The following PRTG variants were observed in gnomAD, a reference collection of about 807,000 sequenced individuals.
PRTG encodes the protein protogenin.
In PRTG, 67 loss-of-function variants were observed where a neutral mutation model predicts 122.5. The ratio of observed to expected loss-of-function variants is 0.55; its 90% CI spans 0.45 to 0.67. PRTG has a LOEUF of 0.67. Ranked by LOEUF, PRTG falls within the 30% of genes least tolerant of loss-of-function variation. The pLI is 0.00. For missense variants in PRTG, 1,435 were observed against 1,415.4 expected (o/e 1.01, Z -0.22); for synonymous variants, 554 against 501.1 (o/e 1.11, Z -1.41).
chr15:55,656,321 G>C (rs140263228), intron 11 of PRTG: 1 of 454,502 alleles, frequency 2.2e-6, no homozygotes, highest in African/African-American at 2.0e-5. Context: ...CTCACAATCC[G>C]GACTTATCTG....
intron 3 of PRTG, 78 bp downstream of exon 3, chr15:55,683,709 G>T: frequency 1.7e-6 from 2 of 1,201,256 alleles, no homozygotes; most frequent in Non-Finnish European, 2.3e-6. Flanking sequence ...GGCCTATAAT[G>T]GTGTTTCTCC....
chr15:55,664,607 G>C (rs1567089379), intron 11 of PRTG, among the ~76,000 whole-genome samples: 1 of 151,920 alleles, frequency 6.6e-6, no homozygotes, highest in Non-Finnish European at 1.5e-5. Context: ...TTTTGAGACA[G>C]GGTCTCACAG....
At chr15:55,675,851 C>A (rs560207873) in intron 8 of PRTG, among the ~76,000 whole-genome samples, 168 bp from the exon 9 acceptor site, 37 of 152,144 alleles carry the variant, frequency 2.4e-4, no homozygotes, top group African/African-American at 8.4e-4. Context: ...TAAAAGTAAC[C>A]ATATTTCACT....
chr15:55,643,664 T>C (rs1259156437), intron 11 of PRTG, among the ~76,000 whole-genome samples: 1 of 151,814 alleles, frequency 6.6e-6, no homozygotes, highest in Non-Finnish European at 1.5e-5. Context: ...ACTCAAGCTA[T>C]CTGCCCGCCT....
chr15:55,733,165 C>T (rs1462233360), intron 2 of PRTG, among the ~76,000 whole-genome samples: 2 of 151,994 alleles, frequency 1.3e-5, no homozygotes, highest in Non-Finnish European at 2.9e-5. Flanking sequence ...GCCGAGATTG[C>T]GCCACTGCAC....
At chr15:55,711,495 T>C (rs1276075143) in intron 2 of PRTG, among the ~76,000 whole-genome samples, 3 of 152,188 alleles carry the variant, frequency 2.0e-5, no homozygotes, top group East Asian at 1.9e-4. Flanking sequence ...TGGAAGATCA[T>C]GCTAATTCCA....
intron 15 of PRTG, among the ~76,000 whole-genome samples, chr15:55,635,502 A>C (rs2059253044): frequency 6.6e-6 from 1 of 152,198 alleles, no homozygotes; most frequent in South Asian, 2.1e-4. Flanking sequence ...TTGTTGACTC[A>C]AAGAATTGTG....
chr15:55,633,047 A>G (rs1361963318), intron 15 of PRTG, among the ~76,000 whole-genome samples: 1 of 152,224 alleles, frequency 6.6e-6, no homozygotes, highest in Non-Finnish European at 1.5e-5. Context: ...GGTATATGGT[A>G]TTCCTCCAAC....
chr15:55,614,817 C>T lies in PRTG; in HGVS notation c.*5195G>A, dbSNP rs906437467. On this transcript the variant is annotated 3_prime_UTR_variant, in exon 20 of 20. Transcript: ENST00000389286. ...GCACATGACCTCAGATTTCCAATCT[C>T]TTTAATGCTACAGACATTTTACAGG... 1 of 152,084 alleles carries T rather than the reference C, an allele frequency of 6.6e-6. No individual in the cohort carries two copies. Among genetic ancestry groups the T allele is most frequent in the African/African-American group, 2.4e-5 (1 of 41,420 alleles). 9.4% of individuals were successfully genotyped at this position (152,084 alleles called of 1,614,324 possible).
Position 55,624,298 on chromosome 15 carries a change from G to T in PRTG, c.3093+44C>A, listed in dbSNP as rs781007662. On this transcript the variant is annotated intron_variant, in intron 18 of 19. Coordinates refer to ENST00000389286, the MANE Select transcript of PRTG (RefSeq NM_173814.6). ...GTACATTTTACACACACAGGGAGGA[G>T]GAATGGAAGAACGGCTTATGCAGCA... The T allele has an allele frequency of 3.4e-5, 53 of 1,580,828 alleles. No individual in the cohort carries two copies. The South Asian group carries it at 5.3e-4, about 16-fold the overall frequency.
chr15:55,662,363 CT>C (rs1181912067), intron 11 of PRTG, among the ~76,000 whole-genome samples: 10 of 152,102 alleles, frequency 6.6e-5, no homozygotes, highest in African/African-American at 2.4e-4. Flanking sequence ...ATAGTTTGTG[CT>C]ACTGCATTCA....
chr15:55,705,323 T>C (rs766553347), intron 2 of PRTG, among the ~76,000 whole-genome samples: 7 of 152,182 alleles, frequency 4.6e-5, no homozygotes, highest in African/African-American at 9.7e-5. Flanking sequence ...TTTTCTCCAA[T>C]TTTCTCTGCT....
In PRTG at chr15:55,683,838, G is replaced by A. The variant is rs1488774827; in HGVS notation, c.491C>T (p.Ala164Val). Residue 164 changes from alanine to valine, a missense_variant, in exon 3 of 20, where the codon GCA becomes GTA. Transcript: ENST00000389286. ...CCGATTGAACTCCCATGTTATGACT[G>A]CAGGAGGGTGGGATGAAATCTTGCA... is the stretch of plus-strand genomic sequence containing the variant. ...FACKISSHPPAVITWEFNRTT... is the reference protein window; with the variant it reads ...FACKISSHPPVVITWEFNRTT... 6.2e-7 allele frequency: 1 copy of A among 1,613,884 alleles called. No homozygotes were observed. The highest frequency in any genetic ancestry group is 2.2e-5 in the East Asian group (1 of 44,854).
intron 2 of PRTG, among the ~76,000 whole-genome samples, chr15:55,688,949 T>C (rs1269754888): frequency 6.6e-6 from 1 of 152,206 alleles, no homozygotes; most frequent in African/African-American, 2.4e-5. Flanking sequence ...ACTATCAAAT[T>C]ACTCACCTAA....
chr15:55,699,857 A>G (rs988044001), intron 2 of PRTG, among the ~76,000 whole-genome samples: 1 of 152,322 alleles, frequency 6.6e-6, no homozygotes, highest in African/African-American at 2.4e-5. Flanking sequence ...CACAAAATAT[A>G]CGAAAACAAG....
chr15:55,737,267 C>CTAG (rs1376902060), intron 2 of PRTG, among the ~76,000 whole-genome samples: 2 of 152,170 alleles, frequency 1.3e-5, no homozygotes, highest in African/African-American at 2.4e-5. Context: ...AATGTAAGGC[C>CTAG]GCTAACACGG....
intron 11 of PRTG, among the ~76,000 whole-genome samples, chr15:55,661,602 A>G (rs2059409889): frequency 6.6e-6 from 1 of 152,184 alleles, no homozygotes; most frequent in Non-Finnish European, 1.5e-5. Flanking sequence ...TTTAAGCAGG[A>G]AGACAAAATG....
intron 2 of PRTG, 100 bp from the exon 3 acceptor site, chr15:55,684,031 T>C (rs2059556704): frequency 1.0e-6 from 1 of 1,001,670 alleles, no homozygotes; most frequent in Non-Finnish European, 1.4e-6. Flanking sequence ...AACCCTTGCT[T>C]GGATATAAGA....
intron 15 of PRTG, among the ~76,000 whole-genome samples, chr15:55,629,857 C>T (rs1250823073): frequency 3.9e-4 from 56 of 145,238 alleles, no homozygotes; most frequent in African/African-American, 1.3e-3. Flanking sequence ...CTTGCTCTGT[C>T]GCCAGGCTGG....
Sources: allele counts gnomAD v4.1 joint callset (sites outside exome capture counted in the v4.1 genomes callset), GRCh38; gene constraint gnomAD v4.1.1; transcripts MANE v1.5; gene names NCBI Gene and HGNC (gene_info 2026-07-23, HGNC 2026-07-21).